HOGA1: variants seen among roughly 807,000 people sequenced by gnomAD.
HOGA1 encodes the protein 4-hydroxy-2-oxoglutarate aldolase, mitochondrial.
In HOGA1, 30 loss-of-function variants were observed where a neutral mutation model predicts 34.3. The observed-to-expected ratio is 0.87, with a 90% CI of 0.65 to 1.19. The LOEUF (loss-of-function observed/expected upper bound fraction) is 1.19. Ranked by LOEUF, HOGA1 falls within the 50% of genes most tolerant of loss-of-function variation. HOGA1 has a pLI of 0.00. For synonymous variants in HOGA1, 161 were observed against 174.0 expected (o/e 0.93, Z 0.59); for missense variants, 417 against 436.5 (o/e 0.96, Z 0.40).
intron 4 of HOGA1, 118 bp downstream of exon 4, chr10:97,599,932 T>G: frequency 6.5e-7 from 1 of 1,545,688 alleles, no homozygotes; most frequent in East Asian, 2.2e-5. Context: ...GTGGATTCTC[T>G]CTGTCGTGCG....
At chr10:97,593,037 A>AG (rs1273785290) in intron 1 of HOGA1, among the ~76,000 whole-genome samples, 2 of 150,102 alleles carry the variant, frequency 1.3e-5, no homozygotes, top group African/African-American at 2.4e-5. Flanking sequence ...CTCAAAAAAA[A>AG]AAAAAAAAAA....
rs2041125423 is a variant in HOGA1 at position 97,602,310 on chromosome 10, C to T, written c.834+320C>T. On this transcript the variant is annotated intron_variant, in intron 6 of 6. Coordinates refer to ENST00000370646, the MANE Select transcript of HOGA1 (RefSeq NM_138413.4). ...TTGTGACAGAGTAACCCTAGGACCA[C>T]ACTTAGAGATGCCTGGAGAGAAAGA... is the stretch of plus-strand genomic sequence containing the variant. 9 of 1,280,880 alleles carry T rather than the reference C, an allele frequency of 7.0e-6. No individual in the cohort carries two copies. In the Admixed American group the frequency reaches 1.2e-4, roughly 16 times the overall value. 79.3% of individuals were successfully genotyped at this position (1,280,880 alleles called of 1,614,324 possible). A position where few individuals can be genotyped will look rare whatever the true frequency, so the allele number is the denominator to read the frequency against.
chr10:97,589,622 CTCT>C, intron 1 of HOGA1: 2 of 366,788 alleles, frequency 5.5e-6, no homozygotes, highest in East Asian at 1.0e-4. Flanking sequence ...CCCCACCCCA[CTCT>C]CCCCACCCCA....
At chr10:97,590,680 C>T (rs1273597783) in intron 1 of HOGA1, 8 of 1,052,220 alleles carry the variant, frequency 7.6e-6, no homozygotes, top group East Asian at 7.3e-5. Flanking sequence ...TCTATGCAGG[C>T]CAGGGTGAGA....
At chr10:97,602,382 T>C in intron 6 of HOGA1, 1 of 1,191,904 alleles carries the variant, frequency 8.4e-7, no homozygotes, top group South Asian at 1.6e-5. Context: ...GGCCAGGTCC[T>C]GAAAAAATAG....
chr10:97,596,271 A>G (rs2041070665), intron 1 of HOGA1, among the ~76,000 whole-genome samples: 1 of 152,184 alleles, frequency 6.6e-6, no homozygotes. Flanking sequence ...CCAGAGTGCA[A>G]GCCTCAGCTG....
At chr10:97,605,774 A>G (rs553258337) in intron 6 of HOGA1, among the ~76,000 whole-genome samples, 17 of 152,192 alleles carry the variant, frequency 1.1e-4, no homozygotes, top group African/African-American at 3.9e-4. Context: ...GCATTTTGAA[A>G]TTGGATTGTT....
rs886047520 is a variant in HOGA1 at position 97,611,947 on chromosome 10, A to C, written c.*288A>C. The C allele has an allele frequency of 1.3e-5, 6 of 447,594 alleles. No individual in the cohort carries two copies. In the East Asian group the frequency reaches 2.5e-4, roughly 18 times the overall value. The allele number at this position is 447,594 out of a possible 1,614,324, so 27.7% of individuals were successfully genotyped here. ...ATCTTTCTACTGTGGATGCTTTCCT[A>C]CGCCCTGAGGCACATGAAGTCAGAA... On this transcript the variant is annotated 3_prime_UTR_variant, in exon 7 of 7. Transcript: ENST00000370646.
chr10:97,605,052 T>G (rs2041146635), intron 6 of HOGA1, among the ~76,000 whole-genome samples: 1 of 152,152 alleles, frequency 6.6e-6, no homozygotes, highest in Non-Finnish European at 1.5e-5. Context: ...GTTTTCATTT[T>G]TCTGGGATCG....
rs977417850 is a variant in HOGA1, at chr10:97,606,254, T to A, written c.834+4264T>A. ...GGGCAGAGGTTGCAGTGAGCCGAGA[T>A]CATGCCATTGCACTCCAGCCTGGGA... On this transcript the variant is annotated intron_variant, in intron 6 of 6. Transcript: ENST00000370646. Among the ~76,000 whole-genome samples the A allele has an allele frequency of 2.0e-5, 3 of 150,978 alleles. No individual in the cohort carries two copies. In the South Asian group the frequency reaches 6.3e-4, roughly 32 times the overall value.
intron 1 of HOGA1, among the ~76,000 whole-genome samples, chr10:97,597,273 GC>G (rs2041078782): frequency 6.6e-6 from 1 of 151,814 alleles, no homozygotes; most frequent in Non-Finnish European, 1.5e-5. Flanking sequence ...CGAACTTCTG[GC>G]CTCAAGTGAT....
At chr10:97,588,199 C>CTTTTTTTTTTTTTTTT (rs1221596544) in intron 1 of HOGA1, among the ~76,000 whole-genome samples, 1 of 97,326 alleles carries the variant, frequency 1.0e-5, no homozygotes, top group Non-Finnish European at 2.4e-5. Flanking sequence ...TTTTTTCTTT[C>CTTTTTTTTTTTTTTTT]TTTTTTTTTT....
intron 6 of HOGA1, chr10:97,602,413 G>A: frequency 3.0e-6 from 3 of 985,384 alleles, no homozygotes; most frequent in Non-Finnish European, 3.6e-6. Flanking sequence ...GGCTGGCAAA[G>A]GAGTTAGAAG....
At position 97,599,784 on chromosome 10, in the gene HOGA1, T is replaced by C; in HGVS notation, c.573T>C (p.Asn191=). ...TGGTCACGCTTTCCCAGCACCCGAA[T>C]ATTGTGGGCATGAAGGACAGCGGTG... ...DAVVTLSQHP[N]IVGMKDSGGD... Residue 191 remains asparagine (N), a synonymous_variant, in exon 4 of 7, where the codon AAT becomes AAC. Coordinates refer to ENST00000370646, the MANE Select transcript of HOGA1 (RefSeq NM_138413.4). 1 of 1,614,138 alleles carries C rather than the reference T, an allele frequency of 6.2e-7. No homozygotes were observed. Among genetic ancestry groups the C allele is most frequent in the Non-Finnish European group, 8.5e-7 (1 of 1,180,014 alleles).
intron 1 of HOGA1, 121 bp downstream of exon 1, chr10:97,585,035 AT>A: frequency 1.3e-6 from 1 of 790,362 alleles, no homozygotes; most frequent in Non-Finnish European, 2.1e-6. Context: ...TCAGTGGGTC[AT>A]TTTATTATGG....
chr10:97,599,607 G>T (rs1056757021), intron 3 of HOGA1, 73 bp from the exon 4 acceptor site: 7 of 1,594,702 alleles, frequency 4.4e-6, no homozygotes, highest in Non-Finnish European at 6.0e-6. Flanking sequence ...GGACCTGTGG[G>T]TGGGCAAGTC....
At chr10:97,587,773 T>C (rs1427006470) in intron 1 of HOGA1, among the ~76,000 whole-genome samples, 1 of 152,172 alleles carries the variant, frequency 6.6e-6, no homozygotes, top group Admixed American at 6.5e-5. Context: ...CCCAAAGTGC[T>C]GGGATTACAG....
In HOGA1 at chr10:97,612,015, T is replaced by TC. The variant is rs2041200427; in HGVS notation, c.*356_*357insC. 2 of 202,180 alleles carry TC rather than the reference T, an allele frequency of 9.9e-6. No individual in the cohort carries two copies. Among genetic ancestry groups the TC allele is most frequent in the African/African-American group, 5.1e-5 (2 of 38,908 alleles). 12.5% of individuals were successfully genotyped at this position (202,180 alleles called of 1,614,324 possible). ...AAGTAGGCACAGTAAGGGAATTTTCTTTTCTTTTTTTTTTTTTTTGAGACA... is the reference window on the plus strand; with the variant it reads ...AAGTAGGCACAGTAAGGGAATTTTCTCTTTCTTTTTTTTTTTTTTTGAGACA... On this transcript the variant is annotated 3_prime_UTR_variant, in exon 7 of 7. Coordinates refer to ENST00000370646, the MANE Select transcript of HOGA1 (RefSeq NM_138413.4).
rs1169191059 is a variant in HOGA1, at chr10:97,593,029, C to CAAAA, written c.212-5727_212-5724dup. On this transcript the variant is annotated intron_variant, in intron 1 of 6. Transcript: ENST00000370646. ...TGGGCGACAGAGTGAGACTCTGTCT[C>CAAAA]AAAAAAAAAAAAAAAAAAAAAAGAG... Among the ~76,000 whole-genome samples the CAAAA allele has an allele frequency of 3.2e-3, 151 of 47,784 alleles. 8 individuals carry two copies. The highest frequency in any genetic ancestry group is 0.011 in the Middle Eastern group (1 of 92). 31.3% of individuals were successfully genotyped at this position (47,784 alleles called of 152,430 possible). A position where few individuals can be genotyped will look rare whatever the true frequency, so the allele number is the denominator to read the frequency against.
Sources: gnomAD v4.1 joint callset for allele counts (sites outside exome capture counted in the v4.1 genomes callset) on GRCh38, gnomAD v4.1.1 for gene constraint, MANE v1.5 for transcripts, NCBI Gene and HGNC (gene_info 2026-07-23, HGNC 2026-07-21) for gene names.